The following DYNC2I2 variants were observed in gnomAD, a reference collection of about 807,000 sequenced individuals.
The protein encoded by DYNC2I2 is cytoplasmic dynein 2 intermediate chain 2.
A neutral mutation model predicts 52.0 loss-of-function variants in DYNC2I2; 39 were observed. The ratio of observed to expected loss-of-function variants is 0.75; its 90% CI spans 0.58 to 0.98. The LOEUF (loss-of-function observed/expected upper bound fraction) is 0.98. Ranked by LOEUF, DYNC2I2 falls within the 50% of genes least tolerant of loss-of-function variation. The pLI, the probability that DYNC2I2 is intolerant of heterozygous loss-of-function variation, is 0.00. For missense variants in DYNC2I2, 743 were observed against 728.4 expected, an observed-to-expected ratio of 1.02 and a Z score of -0.23; for synonymous variants, 359 against 321.1, an observed-to-expected ratio of 1.12 and a Z score of -1.26.
At chr9:128,635,805 A>AC (rs1192815913) in intron 4 of DYNC2I2, 38 bp from the exon 5 acceptor site, 2 of 1,558,486 alleles carry the variant, frequency 1.3e-6, no homozygotes, top group African/African-American at 1.4e-5. Flanking sequence ...GCTCAGCCCC[A>AC]CCCCCAGCCT....
intron 1 of DYNC2I2, among the ~76,000 whole-genome samples, 186 bp downstream of exon 1, chr9:128,656,355 T>C (rs1860823903): frequency 1.3e-5 from 2 of 151,966 alleles, no homozygotes; most frequent in Admixed American, 1.3e-4. Context: ...GAAAGTATCC[T>C]CTGGGTCAGT....
chr9:128,645,616 CAAAAAAAAA>C (rs59742854), intron 1 of DYNC2I2, among the ~76,000 whole-genome samples: 7 of 63,952 alleles, frequency 1.1e-4, no homozygotes, highest in South Asian at 9.3e-4. Flanking sequence ...GACTCCATCT[CAAAAAAAAA>C]AAAAAAAAAA....
chr9:128,633,751 G>A lies in DYNC2I2; in HGVS notation c.1604C>T (p.Ala535Val), dbSNP rs758735687. Residue 535 changes from alanine (A) to valine (V), a missense_variant, in exon 9 of 9, where the codon GCG (alanine) becomes GTG (valine). Physicochemically the swap from Ala to Val is moderately conservative, Grantham distance 64. Transcript: ENST00000372715. ...EDLDCLAAEV[A>V]A ...CCCGCCTCCCGGGACCCCTCAGGCCGCCACCTCTGCTGCCAGGCAGTCCAG... is the reference window on the plus strand; with the variant it reads ...CCCGCCTCCCGGGACCCCTCAGGCCACCACCTCTGCTGCCAGGCAGTCCAG... 1.2e-5 allele frequency: 20 copies of A among 1,612,648 alleles called. 1 individual carries two copies. Among genetic ancestry groups the A allele is most frequent in the Middle Eastern group, 1.7e-4 (1 of 5,754 alleles).
At chr9:128,658,523 A>G (rs1860879950), upstream of DYNC2I2, among the ~76,000 whole-genome samples, 1 of 149,554 alleles carries the variant, frequency 6.7e-6, no homozygotes, top group African/African-American at 2.5e-5. Context: ...GTGCAGTGGC[A>G]CTATCTTGGC....
At chr9:128,681,584 G>C in the DYNC2I2 span, among the ~76,000 whole-genome samples, 1 of 152,198 alleles carries the variant, frequency 6.6e-6, no homozygotes, top group Non-Finnish European at 1.5e-5. Flanking sequence ...GAGATGTAGG[G>C]AGGAGTACCA....
rs749018122 is a variant in DYNC2I2, at chr9:128,634,238, C to G, written c.1360G>C (p.Ala454Pro). 6.2e-7 allele frequency: 1 copy of G among 1,613,780 alleles called. No homozygotes were observed. The highest frequency in any genetic ancestry group is 1.7e-5 in the Admixed American group (1 of 60,022). Residue 454 changes from alanine to proline, a missense_variant, in exon 8 of 9, where the codon GCC (alanine) becomes CCC (proline). Transcript: ENST00000372715. ...SPVRPLVFAA[A>P]SGKGDVQLFD... ...GGCCCCTTCCTACCTTTCCCAGAGGCAGCTGCAAAAACCAAGGGCCGCACT... is the reference window on the plus strand; with the variant it reads ...GGCCCCTTCCTACCTTTCCCAGAGGGAGCTGCAAAAACCAAGGGCCGCACT...
At chr9:128,675,729 C>T in the DYNC2I2 span, among the ~76,000 whole-genome samples, 1 of 152,142 alleles carries the variant, frequency 6.6e-6, no homozygotes, top group Admixed American at 6.6e-5. Flanking sequence ...GGTTATGGAA[C>T]ATCTGGTACT....
chr9:128,652,475 T>C (rs1860736188), intron 1 of DYNC2I2, among the ~76,000 whole-genome samples: 2 of 145,686 alleles, frequency 1.4e-5, no homozygotes, highest in African/African-American at 5.2e-5. Context: ...TACCAAGAGT[T>C]GGCCAGGTGC....
At chr9:128,640,392 C>T (rs904404287) in intron 2 of DYNC2I2, among the ~76,000 whole-genome samples, 1 of 152,204 alleles carries the variant, frequency 6.6e-6, no homozygotes, top group African/African-American at 2.4e-5. Context: ...CCGGGCCACC[C>T]AGACTCTAGC....
At chr9:128,643,497 A>G (rs1860556171) in intron 1 of DYNC2I2, among the ~76,000 whole-genome samples, 1 of 151,498 alleles carries the variant, frequency 6.6e-6, no homozygotes, top group Non-Finnish European at 1.5e-5. Flanking sequence ...ACTGCACTCC[A>G]GCCTGGGTGA....
chr9:128,654,399 A>G lies in DYNC2I2; in HGVS notation c.186+2142T>C, dbSNP rs759705535. Among the ~76,000 whole-genome samples, 16 of 152,108 alleles carry G rather than the reference A, an allele frequency of 1.1e-4. No individual in the cohort carries two copies. The East Asian group carries it at 1.2e-3, about 11-fold the overall frequency. On this transcript the variant is annotated intron_variant, in intron 1 of 8. Coordinates refer to ENST00000372715, the MANE Select transcript of DYNC2I2 (RefSeq NM_052844.4). Reference sequence around the variant, plus strand: ...TGCTGCTCATTTTCAGAGGAAAAACATAAGTCCTTACAATACTCTGACAGC... The same window carrying G: ...TGCTGCTCATTTTCAGAGGAAAAACGTAAGTCCTTACAATACTCTGACAGC...
chr9:128,646,067 AG>A (rs1408072880), intron 1 of DYNC2I2, among the ~76,000 whole-genome samples: 6 of 152,342 alleles, frequency 3.9e-5, no homozygotes, highest in Admixed American at 2.6e-4. Context: ...ATGAGGTTTA[AG>A]GGAAGAAGCC....
At chr9:128,662,480 C>G in the DYNC2I2 span, among the ~76,000 whole-genome samples, 68 of 151,602 alleles carry the variant, frequency 4.5e-4, no homozygotes, top group South Asian at 0.014. Context: ...GGCGCGATCT[C>G]GGCTCACTGC....
chr9:128,659,014 G>GCCACTC (rs1860886930), upstream of DYNC2I2, among the ~76,000 whole-genome samples: 1 of 151,738 alleles, frequency 6.6e-6, no homozygotes, highest in Non-Finnish European at 1.5e-5. Context: ...TACAGGCTAA[G>GCCACTC]CCACTCCCCA....
chr9:128,675,461 TGAGCCACCGAGCCTGGCG>T, the DYNC2I2 span, among the ~76,000 whole-genome samples: 1 of 152,206 alleles, frequency 6.6e-6, no homozygotes, highest in South Asian at 2.1e-4. Flanking sequence ...ATTATAGGCA[TGAGCCACCGAGCCTGGCG>T]GAGCCTTGAT....
intron 1 of DYNC2I2, among the ~76,000 whole-genome samples, chr9:128,644,437 T>A (rs1467287426): frequency 6.6e-6 from 1 of 152,006 alleles, no homozygotes; most frequent in African/African-American, 2.4e-5. Flanking sequence ...CACACCTGGC[T>A]GATTTTTTAA....
chr9:128,643,718 G>A (rs934106808), intron 1 of DYNC2I2, among the ~76,000 whole-genome samples: 8 of 152,106 alleles, frequency 5.3e-5, no homozygotes, highest in Admixed American at 3.3e-4. Flanking sequence ...TCTGGGAATC[G>A]TGGAAAGAAG....
chr9:128,656,594 C>T lies in DYNC2I2; in HGVS notation c.133G>A (p.Val45Met). The change falls in exon 1 of 9, where the codon GTG becomes ATG. Residue 45 changes from valine to methionine, a missense_variant. Coordinates refer to ENST00000372715, the MANE Select transcript of DYNC2I2 (RefSeq NM_052844.4). ...PGPLQDETLG[V>M]ASVPSQWRAV... ...CTCCACTGCGAGGGCACGGACGCCA[C>T]ACCCAGGGTCTCGTCCTGCAGCGGC... The T allele has an allele frequency of 6.7e-7, 1 of 1,489,056 alleles. No individual in the cohort carries two copies. The highest frequency in any genetic ancestry group is 2.9e-5 in the East Asian group (1 of 34,516). The allele number at this position is 1,489,056 out of a possible 1,614,324, so 92.2% of individuals were successfully genotyped here.
chr9:128,646,942 T>C (rs913161182), intron 1 of DYNC2I2, among the ~76,000 whole-genome samples: 3 of 152,010 alleles, frequency 2.0e-5, no homozygotes, highest in African/African-American at 2.4e-5. Flanking sequence ...CTGACCAACA[T>C]GGTGAAACCC....
Sources: allele counts gnomAD v4.1 joint callset (sites outside exome capture counted in the v4.1 genomes callset), GRCh38; gene constraint gnomAD v4.1.1; transcripts MANE v1.5; gene names NCBI Gene and HGNC (gene_info 2026-07-23, HGNC 2026-07-21).